SCFD2: variants seen among roughly 807,000 people sequenced by gnomAD.
The protein encoded by SCFD2 is sec1 family domain containing 2, also known as sec1 family domain-containing protein 2.
In SCFD2, 54 loss-of-function variants were observed where a neutral mutation model predicts 58.9. The ratio of observed to expected loss-of-function variants is 0.92; its 90% confidence interval spans 0.74 to 1.15. The LOEUF (loss-of-function observed/expected upper bound fraction) is 1.15, where lower values mean the gene tolerates loss of function less well. Among genes scored for constraint, SCFD2 ranks in the 50% most tolerant of loss-of-function variants. The probability of loss-of-function intolerance (pLI) is 0.00; values close to 1 mark genes in which losing one functional copy is unlikely to be tolerated. For missense variants in SCFD2, 805 were observed against 836.6 expected (o/e 0.96, Z 0.47); for synonymous variants, 321 against 335.9 (o/e 0.96, Z 0.49).
At chr4:53,346,265 ATCTTTTTTTT>A (rs968748592) in intron 2 of SCFD2, among the ~76,000 whole-genome samples, 3 of 148,958 alleles carry the variant, frequency 2.0e-5, no homozygotes, top group Admixed American at 6.8e-5. Flanking sequence ...TTGGCCTCAA[ATCTTTTTTTT>A]TCTTTTTTTT....
chr4:53,155,575 G>A (rs1411577711), intron 4 of SCFD2, among the ~76,000 whole-genome samples: 5 of 152,174 alleles, frequency 3.3e-5, no homozygotes, highest in African/African-American at 4.8e-5. Context: ...ATGATTAAAT[G>A]AAGAAGCAAT....
intron 5 of SCFD2, among the ~76,000 whole-genome samples, chr4:53,006,610 C>T (rs1721975548): frequency 6.6e-6 from 1 of 152,172 alleles, no homozygotes; most frequent in Admixed American, 6.5e-5. Context: ...TCTTCAAATT[C>T]ACAGGTTTTT....
intron 5 of SCFD2, among the ~76,000 whole-genome samples, chr4:53,123,964 A>G (rs1026288754): frequency 6.6e-6 from 1 of 152,220 alleles, no homozygotes; most frequent in African/African-American, 2.4e-5. Context: ...ATGGATTTTC[A>G]TAGGTACCTC....
chr4:53,209,612 C>A (rs1410954797), intron 4 of SCFD2, among the ~76,000 whole-genome samples: 3 of 152,008 alleles, frequency 2.0e-5, no homozygotes, highest in African/African-American at 7.3e-5. Context: ...TAAAAAGCCA[C>A]TCAGGGAATA....
At chr4:53,097,100 C>A (rs1289192752) in intron 5 of SCFD2, among the ~76,000 whole-genome samples, 3 of 152,140 alleles carry the variant, frequency 2.0e-5, no homozygotes, top group African/African-American at 7.2e-5. Context: ...GAGTACCATG[C>A]TGTTTTGGTT....
At chr4:53,092,203 A>T (rs1560331654) in intron 5 of SCFD2, among the ~76,000 whole-genome samples, 1 of 152,184 alleles carries the variant, frequency 6.6e-6, no homozygotes, top group Non-Finnish European at 1.5e-5. Context: ...GGACAAAATG[A>T]CATAGTCTGA....
chr4:53,257,289 A>G (rs1412679368), intron 4 of SCFD2, among the ~76,000 whole-genome samples: 4 of 152,226 alleles, frequency 2.6e-5, no homozygotes, highest in Non-Finnish European at 4.4e-5. Context: ...ATGAAGGGGC[A>G]GGACAGAGTG....
At chr4:52,922,856 T>C (rs997433343) in intron 5 of SCFD2, among the ~76,000 whole-genome samples, 3 of 152,230 alleles carry the variant, frequency 2.0e-5, no homozygotes, top group African/African-American at 7.2e-5. Context: ...TTTCTCTACA[T>C]CCTAACCAAT....
intron 4 of SCFD2, among the ~76,000 whole-genome samples, chr4:53,272,500 A>C (rs1206461158): frequency 6.6e-6 from 1 of 152,180 alleles, no homozygotes; most frequent in Non-Finnish European, 1.5e-5. Context: ...GCACATACAC[A>C]CCATGGAACA....
intron 5 of SCFD2, chr4:52,945,761 G>GT (rs1038934681): frequency 5.3e-5 from 8 of 152,068 alleles, no homozygotes; most frequent in Admixed American, 1.3e-4. Flanking sequence ...GAAAAATAAC[G>GT]TAAGTTTCAA....
intron 5 of SCFD2, among the ~76,000 whole-genome samples, chr4:52,973,360 A>G (rs1275094623): frequency 1.3e-5 from 2 of 152,256 alleles, no homozygotes; most frequent in African/African-American, 4.8e-5. Flanking sequence ...CCATAGAAAT[A>G]CAAACTACCA....
intron 2 of SCFD2, among the ~76,000 whole-genome samples, chr4:53,348,503 A>C (rs746162096): frequency 6.6e-6 from 1 of 152,232 alleles, no homozygotes; most frequent in Non-Finnish European, 1.5e-5. Context: ...ATTAATCAAC[A>C]TAATTCCCTC....
intron 5 of SCFD2, among the ~76,000 whole-genome samples, chr4:52,988,639 C>A (rs981075026): frequency 6.6e-6 from 1 of 152,188 alleles, no homozygotes; most frequent in East Asian, 1.9e-4. Context: ...CAGATGAAGA[C>A]ATTTTCTGAG....
chr4:53,098,645 C>G (rs1249877812), intron 5 of SCFD2, among the ~76,000 whole-genome samples: 1 of 151,956 alleles, frequency 6.6e-6, no homozygotes, highest in Non-Finnish European at 1.5e-5. Context: ...AAAGCTCTTC[C>G]CCTAGATAGC....
chr4:53,032,816 A>G (rs1722651759), intron 5 of SCFD2, among the ~76,000 whole-genome samples: 1 of 152,182 alleles, frequency 6.6e-6, no homozygotes, highest in African/African-American at 2.4e-5. Flanking sequence ...CCAGATTCAT[A>G]AAGCAAGTTA....
intron 4 of SCFD2, among the ~76,000 whole-genome samples, chr4:53,196,293 T>C (rs2148962530): frequency 6.6e-6 from 1 of 152,244 alleles, no homozygotes; most frequent in Admixed American, 6.5e-5. Flanking sequence ...AAAAACATGA[T>C]TGTCGAAATG....
At chr4:53,107,934 C>T (rs886733550) in intron 5 of SCFD2, among the ~76,000 whole-genome samples, 5 of 152,202 alleles carry the variant, frequency 3.3e-5, no homozygotes, top group African/African-American at 1.2e-4. Context: ...TTCTTCACAG[C>T]ACCACATCGC....
intron 5 of SCFD2, among the ~76,000 whole-genome samples, chr4:53,097,051 T>A (rs1724671935): frequency 6.6e-6 from 1 of 152,218 alleles, no homozygotes; most frequent in African/African-American, 2.4e-5. Context: ...TTCTGAGGGA[T>A]CTGTTCTGTT....
At chr4:53,256,957 T>C (rs1730662941) in intron 4 of SCFD2, among the ~76,000 whole-genome samples, 1 of 150,386 alleles carries the variant, frequency 6.6e-6, no homozygotes, top group South Asian at 2.1e-4. Flanking sequence ...CTAAACCTTT[T>C]TTCTTTATAA....
Sources: gnomAD v4.1 joint callset for allele counts (sites outside exome capture counted in the v4.1 genomes callset) on GRCh38, gnomAD v4.1.1 for gene constraint, MANE v1.5 for transcripts, NCBI Gene and HGNC (gene_info 2026-07-23, HGNC 2026-07-21) for gene names.